Variants in CC2D2B observed in about 807,000 individuals in gnomAD.
CC2D2B encodes protein CC2D2B.
In CC2D2B, 128 loss-of-function variants were observed where a neutral mutation model predicts 161.2. The ratio of observed to expected loss-of-function variants is 0.79; its 90% CI spans 0.69 to 0.92. The LOEUF is 0.92. CC2D2B is among the 40% of genes least tolerant of loss of function. The probability of loss-of-function intolerance (pLI) is 0.00; values close to 1 mark genes in which losing one functional copy is unlikely to be tolerated. For synonymous variants in CC2D2B, 391 were observed against 449.8 expected, an observed-to-expected ratio of 0.87 and a Z score of 1.65; for missense variants, 1,173 against 1,375.1, an observed-to-expected ratio of 0.85 and a Z score of 2.32.
At chr10:95,961,642 AT>A (rs1181157799) in intron 11 of CC2D2B, 186 bp from the exon 12 acceptor site, 1 of 378,898 alleles carries the variant, frequency 2.6e-6, no homozygotes, top group African/African-American at 2.1e-5. Flanking sequence ...AAAGGAACAA[AT>A]TTCTAATGGA....
intron 33 of CC2D2B, among the ~76,000 whole-genome samples, chr10:96,026,696 A>G (rs1564686322): frequency 6.6e-6 from 1 of 152,120 alleles, no homozygotes; most frequent in Non-Finnish European, 1.5e-5. Context: ...TATCCCCAAG[A>G]GGCTTCTTGT....
intron 33 of CC2D2B, among the ~76,000 whole-genome samples, chr10:96,025,909 C>A (rs548354697): frequency 6.6e-6 from 1 of 152,348 alleles, no homozygotes; most frequent in African/African-American, 2.4e-5. Context: ...CATCTCCCCC[C>A]AGCCCCCCAG....
At position 95,972,159 on chromosome 10, in the gene CC2D2B, T is replaced by C. The variant is rs890353885; in HGVS notation, c.1738T>C (p.Tyr580His). The change falls in exon 16 of 35, where the codon TAT (tyrosine) becomes CAT (histidine). Residue 580 changes from tyrosine (Y) to histidine (H), a missense_variant. Tyr to His is a moderately conservative substitution (Grantham distance 83). Around this residue, in one of 3 missense-constraint regions of CC2D2B, gnomAD observed 277 missense variants for 420.6 expected, o/e 0.66. Coordinates refer to ENST00000646931, the MANE Select transcript of CC2D2B (RefSeq NM_001349008.3). ...GCTGAAAGGCAAAACCGCTTTGCAATATGTAGAGTTTAGCTCTGATAAGCT... is the reference window on the plus strand; with the variant it reads ...GCTGAAAGGCAAAACCGCTTTGCAACATGTAGAGTTTAGCTCTGATAAGCT... ...TELKGKTALQ[Y>H]VEFSSDKLVM... 4 of 1,231,908 alleles carry C rather than the reference T, an allele frequency of 3.2e-6. No individual in the cohort carries two copies. In the Admixed American group the frequency reaches 1.3e-4, roughly 39 times the overall value. The allele number at this position is 1,231,908 out of a possible 1,614,324, so 76.3% of individuals were successfully genotyped here. A position where few individuals can be genotyped will look rare whatever the true frequency, so the allele number is the denominator to read the frequency against.
chr10:95,915,069 T>C (rs1199402974), intron 2 of CC2D2B, among the ~76,000 whole-genome samples: 1 of 152,220 alleles, frequency 6.6e-6, no homozygotes, highest in Non-Finnish European at 1.5e-5. Context: ...TTCCATTTTT[T>C]GTGTATCCTC....
intron 2 of CC2D2B, among the ~76,000 whole-genome samples, chr10:95,918,024 A>G (rs1448703324): frequency 1.3e-5 from 2 of 152,086 alleles, no homozygotes; most frequent in East Asian, 3.9e-4. Context: ...TGTTCCGCCT[A>G]CCTCAGCCTC....
At chr10:95,917,850 T>G (rs1165007635) in intron 2 of CC2D2B, among the ~76,000 whole-genome samples, 1 of 152,186 alleles carries the variant, frequency 6.6e-6, no homozygotes, top group Non-Finnish European at 1.5e-5. Context: ...TGGTCTCGGC[T>G]CACTGCAGCC....
At chr10:95,907,884 G>C (rs892923987), upstream of CC2D2B, 2 of 152,294 alleles carry the variant, frequency 1.3e-5, no homozygotes, top group African/African-American at 2.4e-5. Flanking sequence ...TCTGGGTCCT[G>C]GCAGGCCAGG....
intron 10 of CC2D2B, among the ~76,000 whole-genome samples, chr10:95,951,846 T>C (rs760591802): frequency 1.3e-5 from 2 of 152,234 alleles, no homozygotes; most frequent in Non-Finnish European, 2.9e-5. Context: ...TATGTTTCAG[T>C]ATTATTATTG....
chr10:95,971,927 C>G, intron 15 of CC2D2B, 139 bp from the exon 16 acceptor site: 1 of 430,664 alleles, frequency 2.3e-6, no homozygotes, highest in Admixed American at 4.5e-5. Context: ...TTCTCATAAT[C>G]ATGTGGATGA....
At chr10:95,984,637 G>A (rs2077649419) in intron 19 of CC2D2B, 1 of 152,018 alleles carries the variant, frequency 6.6e-6, no homozygotes, top group African/African-American at 2.4e-5. Context: ...GGCACTCTGG[G>A]GAGCTGAGGC....
chr10:95,983,292 TA>T (rs1299033738), intron 18 of CC2D2B, among the ~76,000 whole-genome samples: 1 of 152,204 alleles, frequency 6.6e-6, no homozygotes, highest in Non-Finnish European at 1.5e-5. Context: ...TATACAGAAA[TA>T]TTGATCCTCT....
chr10:96,023,753 C>T (rs1263902890), intron 32 of CC2D2B, among the ~76,000 whole-genome samples: 2 of 152,202 alleles, frequency 1.3e-5, no homozygotes, highest in African/African-American at 4.8e-5. Flanking sequence ...ATCCAGTGCT[C>T]CTCCACCATG....
chr10:95,989,544 A>G (rs2077866642), intron 20 of CC2D2B, among the ~76,000 whole-genome samples: 1 of 152,228 alleles, frequency 6.6e-6, no homozygotes. Context: ...CGGGAAATAA[A>G]GAAGTGTTCT....
intron 34 of CC2D2B, among the ~76,000 whole-genome samples, chr10:96,030,458 G>A (rs1357967542): frequency 6.6e-6 from 1 of 152,114 alleles, no homozygotes; most frequent in Non-Finnish European, 1.5e-5. Flanking sequence ...ATAGACTAGA[G>A]GGTGTCTGCT....
intron 19 of CC2D2B, among the ~76,000 whole-genome samples, chr10:95,984,904 CAT>C (rs781321612): frequency 7.9e-5 from 12 of 151,842 alleles, no homozygotes; most frequent in African/African-American, 1.5e-4. Context: ...CCCACATACA[CAT>C]GTGTGTGTAT....
intron 32 of CC2D2B, among the ~76,000 whole-genome samples, chr10:96,023,075 G>A (rs2079541153): frequency 6.6e-6 from 1 of 151,758 alleles, no homozygotes; most frequent in African/African-American, 2.4e-5. Context: ...CAGTCCTGGT[G>A]AGAGTTTGGG....
chr10:95,914,301 T>C (rs1334889101), intron 2 of CC2D2B, among the ~76,000 whole-genome samples: 1 of 152,118 alleles, frequency 6.6e-6, no homozygotes, highest in East Asian at 1.9e-4. Flanking sequence ...GTTTCTTTAT[T>C]TTGTTCCATT....
rs2076937678 is a variant in CC2D2B, at chr10:95,966,299, C to G, written c.1463C>G (p.Ser488Cys). ...TAELTSLSKC[S>C]LHEQKRRAKI... Reference sequence around the variant, plus strand: ...GAATTAACAAGCTTATCCAAGTGTTCCTTGTAAGCATGTTTAAATAATTAT... The same window carrying G: ...GAATTAACAAGCTTATCCAAGTGTTGCTTGTAAGCATGTTTAAATAATTAT... The change falls in exon 14 of 35, where the codon TCC (serine) becomes TGC (cysteine). Residue 488 changes from serine (S) to cysteine (C), a missense_variant. Ser to Cys is a moderately radical substitution (Grantham distance 112, BLOSUM62 -1). Around this residue, in one of 3 missense-constraint regions of CC2D2B, gnomAD observed 277 missense variants for 420.6 expected, o/e 0.66. Coordinates refer to ENST00000646931, the MANE Select transcript of CC2D2B (RefSeq NM_001349008.3). 9.2e-7 allele frequency: 1 copy of G among 1,083,664 alleles called. No individual in the cohort carries two copies. The highest frequency in any genetic ancestry group is 1.6e-5 in the African/African-American group (1 of 61,428). The allele number at this position is 1,083,664 out of a possible 1,614,324, so 67.1% of individuals were successfully genotyped here.
At chr10:96,011,376 C>G (rs1043884531) in intron 26 of CC2D2B, among the ~76,000 whole-genome samples, 2 of 152,096 alleles carry the variant, frequency 1.3e-5, no homozygotes, top group African/African-American at 4.8e-5. Flanking sequence ...AATCCTGGCT[C>G]CACTGACTCA....
Sources: gnomAD v4.1 joint callset for allele counts (sites outside exome capture counted in the v4.1 genomes callset) on GRCh38, gnomAD v4.1.1 for gene constraint, gnomAD v4.1.1 regional missense constraint, MANE v1.5 for transcripts, NCBI Gene and HGNC (gene_info 2026-07-23, HGNC 2026-07-21) for gene names.